Variants in CELF2 observed in about 807,000 individuals in gnomAD.
The protein encoded by CELF2 is CUG triplet repeat RNA-binding protein 2.
A neutral mutation model predicts 62.6 loss-of-function variants in CELF2; 8 were observed. The observed-to-expected ratio is 0.13, with a 90% CI of 0.07 to 0.23. CELF2 has a LOEUF of 0.23. Ranked by LOEUF, CELF2 falls within the 10% of genes least tolerant of loss-of-function variation. CELF2 has a pLI of 1.00. For missense variants in CELF2, 333 were observed against 671.0 expected (o/e 0.50, Z 5.56); for synonymous variants, 258 against 250.0 (o/e 1.03, Z -0.30).
At chr10:11,030,066 A>G (rs10905888) in intron 1 of CELF2, among the ~76,000 whole-genome samples, 38,357 of 152,180 alleles carry the variant, frequency 0.25, 8,307 homozygotes, top group African/African-American at 0.59. Context: ...GCCAGAAAAC[A>G]TTTTCCAGTG....
chr10:10,876,560 G>A (rs950013761), intron 1 of CELF2, among the ~76,000 whole-genome samples: 15 of 152,162 alleles, frequency 9.9e-5, no homozygotes, highest in Admixed American at 7.2e-4. Flanking sequence ...ACAGTGCCGC[G>A]TTTTAGGAGG....
chr10:11,128,821 A>G lies in CELF2; in HGVS notation c.75-36665A>G, dbSNP rs192781760. On this transcript the variant is annotated intron_variant, in intron 1 of 12. Transcript: ENST00000633077. Reference sequence around the variant, plus strand: ...CTAGATATACAATCATGTCGTCTGCAAACAGGGACAATTTGACTTCCTCCT... The same window carrying G: ...CTAGATATACAATCATGTCGTCTGCGAACAGGGACAATTTGACTTCCTCCT... 4.8e-3 allele frequency among the ~76,000 whole-genome samples: 735 copies of G among 152,296 alleles called. 5 individuals carry two copies. The highest frequency in any genetic ancestry group is 0.017 in the African/African-American group (698 of 41,552).
chr10:10,494,855 G>C, the CELF2 span, among the ~76,000 whole-genome samples: 1 of 152,178 alleles, frequency 6.6e-6, no homozygotes, highest in Non-Finnish European at 1.5e-5. Flanking sequence ...TCCAAATTAA[G>C]CTAAATGACA....
chr10:10,690,944 T>C, the CELF2 span, among the ~76,000 whole-genome samples: 1 of 152,208 alleles, frequency 6.6e-6, no homozygotes, highest in African/African-American at 2.4e-5. Flanking sequence ...TTATTTTTCT[T>C]ACATTATCTC....
At chr10:10,625,595 CA>C in the CELF2 span, among the ~76,000 whole-genome samples, 1 of 152,140 alleles carries the variant, frequency 6.6e-6, no homozygotes, top group African/African-American at 2.4e-5. Context: ...GAAATAGCCT[CA>C]GGGCCAAAGT....
chr10:10,682,996 C>T, the CELF2 span, among the ~76,000 whole-genome samples: 3 of 152,190 alleles, frequency 2.0e-5, no homozygotes, highest in Non-Finnish European at 4.4e-5. Flanking sequence ...ACTCACAGAA[C>T]GCAGCAAGAC....
the CELF2 span, among the ~76,000 whole-genome samples, chr10:10,670,719 C>A: frequency 3.3e-5 from 5 of 152,136 alleles, no homozygotes; most frequent in African/African-American, 1.2e-4. Flanking sequence ...TTTCACTGCC[C>A]TAAAAATCTG....
chr10:10,812,979 G>A (rs1009406024), intron 1 of CELF2, among the ~76,000 whole-genome samples: 2 of 152,124 alleles, frequency 1.3e-5, no homozygotes, highest in African/African-American at 2.4e-5. Flanking sequence ...TTGTATGATC[G>A]ATGTAAGATA....
Position 11,329,185 on chromosome 10 carries a change from C to A in CELF2, c.*132C>A, listed in dbSNP as rs2095914025. On this transcript the variant is annotated 3_prime_UTR_variant, in exon 13 of 13. Transcript: ENST00000633077. The surrounding 1 kb of genome is among the most constrained non-coding windows in gnomAD (Gnocchi z 5.5). ...TTACCAAGAGAGACGGTTATTTTTA[C>A]AATAAGGCCTCCATGTCCCCACCCA... 3.2e-6 allele frequency: 3 copies of A among 937,042 alleles called. No individual in the cohort carries two copies. The highest frequency in any genetic ancestry group is 4.6e-6 in the Non-Finnish European group (3 of 647,910). 58.0% of individuals were successfully genotyped at this position (937,042 alleles called of 1,614,324 possible).
chr10:10,917,385 A>C (rs114062784), intron 1 of CELF2, among the ~76,000 whole-genome samples: 3,050 of 152,232 alleles, frequency 0.02, 98 homozygotes, highest in African/African-American at 0.069. Flanking sequence ...CCCAGACTGG[A>C]GTGGACTGGT....
At chr10:11,232,545 T>C (rs536325340) in intron 3 of CELF2, among the ~76,000 whole-genome samples, 13 of 152,320 alleles carry the variant, frequency 8.5e-5, no homozygotes, top group Non-Finnish European at 1.2e-4. Flanking sequence ...TGACGAATGG[T>C]AAAATCTATG....
chr10:10,883,235 C>A (rs1433194986), intron 1 of CELF2, among the ~76,000 whole-genome samples: 2 of 152,098 alleles, frequency 1.3e-5, no homozygotes, highest in Non-Finnish European at 2.9e-5. Context: ...CAAATATGTA[C>A]ATGTTTAAAA....
At chr10:10,794,703 A>G (rs1021037616), upstream of CELF2, 14 of 152,134 alleles carry the variant, frequency 9.2e-5, no homozygotes, top group Non-Finnish European at 2.9e-5. Flanking sequence ...CTTACAATTG[A>G]TGGTGAATGC....
At chr10:10,701,108 T>C in the CELF2 span, among the ~76,000 whole-genome samples, 1 of 152,218 alleles carries the variant, frequency 6.6e-6, no homozygotes, top group Non-Finnish European at 1.5e-5. Flanking sequence ...AAGGTAGCAT[T>C]TGCATTTCTG....
At chr10:10,639,301 T>A in the CELF2 span, among the ~76,000 whole-genome samples, 1 of 152,234 alleles carries the variant, frequency 6.6e-6, no homozygotes, top group Admixed American at 6.5e-5. Flanking sequence ...AAAGAAATTA[T>A]TTTCCAATCT....
At position 11,207,672 on chromosome 10, in the gene CELF2, C is replaced by T. The variant is rs915371282; in HGVS notation, c.272-9753C>T. ...CACTTGGTAATCCAAACCGTGGAGT[C>T]CACATAACTCACATACGGAAGGCCC... On this transcript the variant is annotated intron_variant, in intron 2 of 12. Transcript: ENST00000633077. This position sits in a 1 kb window ranked among gnomAD's most constrained non-coding sequence, Gnocchi z 4.1. Among the ~76,000 whole-genome samples, 2 of 152,216 alleles carry T rather than the reference C, an allele frequency of 1.3e-5. No homozygotes were observed. The highest frequency in any genetic ancestry group is 4.8e-5 in the African/African-American group (2 of 41,458).
At chr10:10,797,016 A>T (rs780491914), upstream of CELF2, 48 of 376,418 alleles carry the variant, frequency 1.3e-4, no homozygotes, top group African/African-American at 9.6e-4. Flanking sequence ...AAATCTAAAC[A>T]GAGGGTTAGC....
At chr10:10,613,969 G>A in the CELF2 span, among the ~76,000 whole-genome samples, 1 of 152,102 alleles carries the variant, frequency 6.6e-6, no homozygotes, top group Admixed American at 6.6e-5. Context: ...TGCCCTCAAT[G>A]TCTATAATTT....
chr10:11,047,390 G>A (rs995428558), intron 1 of CELF2, among the ~76,000 whole-genome samples: 4 of 152,090 alleles, frequency 2.6e-5, no homozygotes, highest in East Asian at 1.9e-4. Flanking sequence ...TAGTGAACTC[G>A]GGTTTAAGCA....
Sources: gnomAD v4.1 joint callset for allele counts (sites outside exome capture counted in the v4.1 genomes callset) on GRCh38, gnomAD v4.1.1 for gene constraint, Gnocchi (gnomAD v3.1) non-coding constraint, MANE v1.5 for transcripts, NCBI Gene and HGNC (gene_info 2026-07-23, HGNC 2026-07-21) for gene names.